Variants in PLS3 observed in about 807,000 individuals in gnomAD.
PLS3 encodes the protein plastin 3.
A neutral mutation model predicts 46.5 loss-of-function variants in PLS3; 11 were observed. The observed-to-expected ratio is 0.24, with a 90% confidence interval of 0.15 to 0.39. The LOEUF (loss-of-function observed/expected upper bound fraction) is 0.39, where lower values mean the gene tolerates loss of function less well. Ranked by LOEUF, PLS3 falls within the 10% of genes least tolerant of loss-of-function variation. PLS3 has a pLI of 1.00. For missense variants in PLS3, 308 were observed against 461.8 expected (o/e 0.67, Z 3.05); for synonymous variants, 167 against 162.2 (o/e 1.03, Z -0.22).
chrX:115,624,501 A>G (rs1360929804), intron 3 of PLS3: 1 of 112,072 alleles, frequency 8.9e-6, no homozygotes, highest in Admixed American at 9.6e-5. Flanking sequence ...GTTAACTATG[A>G]TTGGCTGTTT....
intron 1 of PLS3, among the ~76,000 whole-genome samples, chrX:115,589,160 CAG>C (rs1314884912): frequency 1.4e-4 from 15 of 110,376 alleles, no homozygotes; most frequent in African/African-American, 4.6e-4. Flanking sequence ...TTTGTAAAGA[CAG>C]GGTTTTGCCA....
In PLS3 at chrX:115,584,806, C is replaced by T. The variant is rs367969184; in HGVS notation, c.-9+23546C>T. Reference sequence around the variant, plus strand: ...CTCCCTGTGGAAAATGAATGTATTGCTCAGTTATTTTTGCCTATGTGAGTA... The same window carrying T: ...CTCCCTGTGGAAAATGAATGTATTGTTCAGTTATTTTTGCCTATGTGAGTA... On this transcript the variant is annotated intron_variant, in intron 1 of 15. Transcript: ENST00000355899. 1.3e-4 allele frequency among the ~76,000 whole-genome samples: 14 copies of T among 111,703 alleles called. No individual in the cohort carries two copies. The East Asian group carries it at 2.8e-3, about 22-fold the overall frequency.
At chrX:115,573,929 C>G (rs1305925662) in intron 1 of PLS3, among the ~76,000 whole-genome samples, 1 of 111,034 alleles carries the variant, frequency 9.0e-6, no homozygotes, top group Non-Finnish European at 1.9e-5. Context: ...GTCTCGAACT[C>G]CTGGCCTCAA....
chrX:115,649,378 T>G, intron 15 of PLS3, 51 bp from the exon 16 acceptor site: 1 of 1,054,929 alleles, frequency 9.5e-7, no homozygotes, highest in South Asian at 2.4e-5. Context: ...TCTTACGTGG[T>G]GTCCTTAACT....
chrX:115,566,504 T>C (rs2074173849), intron 1 of PLS3, among the ~76,000 whole-genome samples: 2 of 106,750 alleles, frequency 1.9e-5, no homozygotes, highest in South Asian at 4.2e-4. Context: ...TTCTCCTGCC[T>C]CAGCCTCCCG....
chrX:115,635,650 C>CAAAAAAAAAAAAAAAAAAA (rs10606256), intron 7 of PLS3, among the ~76,000 whole-genome samples: 1 of 21,906 alleles, frequency 4.6e-5, no homozygotes, highest in African/African-American at 1.0e-4. Flanking sequence ...GACTCTGTCT[C>CAAAAAAAAAAAAAAAAAAA]AAAAAAAAAA....
At chrX:115,561,340 A>G (rs2074132754) in intron 1 of PLS3, 80 bp downstream of exon 1, 1 of 109,684 alleles carries the variant, frequency 9.1e-6, no homozygotes, top group Non-Finnish European at 1.9e-5. Context: ...CGGGGAGAGC[A>G]TCTCGGTTAA....
At chrX:115,604,758 C>T (rs116331470) in intron 1 of PLS3, among the ~76,000 whole-genome samples, 4,308 of 111,195 alleles carry the variant, frequency 0.039, 196 homozygotes, top group African/African-American at 0.13. Flanking sequence ...ACAATGAATG[C>T]CCCATGAAGA....
At chrX:115,593,890 G>A (rs1334940745) in intron 1 of PLS3, among the ~76,000 whole-genome samples, 1 of 110,910 alleles carries the variant, frequency 9.0e-6, no homozygotes, top group Non-Finnish European at 1.9e-5. Flanking sequence ...AGAATGTTTA[G>A]GGAGTTTATA....
chrX:115,579,729 T>C (rs1226036594), intron 1 of PLS3, among the ~76,000 whole-genome samples: 1 of 111,948 alleles, frequency 8.9e-6, no homozygotes, highest in Non-Finnish European at 1.9e-5. Context: ...TTCATGTCTT[T>C]TACCTATTTT....
At chrX:115,637,657 C>G (rs5987957) in intron 8 of PLS3, among the ~76,000 whole-genome samples, 25,778 of 110,870 alleles carry the variant, frequency 0.23, 2,917 homozygotes, top group South Asian at 0.45. Flanking sequence ...GCCAACATTA[C>G]CATAGCAAAC....
intron 8 of PLS3, among the ~76,000 whole-genome samples, chrX:115,638,272 G>T (rs1353829119): frequency 7.2e-5 from 8 of 111,399 alleles, no homozygotes; most frequent in African/African-American, 2.6e-4. Flanking sequence ...CACCACGCCT[G>T]GTTAATTTTT....
In PLS3 at chrX:115,635,000, C is replaced by A. The variant is rs1556639967; in HGVS notation, c.702C>A (p.Ile234=). 1.7e-6 allele frequency: 2 copies of A among 1,208,011 alleles called. No individual in the cohort carries two copies. Among genetic ancestry groups the A allele is most frequent in the Admixed American group, 2.2e-5 (1 of 45,535 alleles). The change falls in exon 7 of 16, where the codon ATC becomes ATA. Residue 234 remains isoleucine, a synonymous_variant. Transcript: ENST00000355899. ...PHLVLGLLWQ[I]IKIGLFADIE... is the part of the protein sequence containing the mutation. Reference sequence around the variant, plus strand: ...TGGTTTTGGGACTGCTTTGGCAGATCATTAAGATCGGTTTGTTCGCTGACA... The same window carrying A: ...TGGTTTTGGGACTGCTTTGGCAGATAATTAAGATCGGTTTGTTCGCTGACA...
chrX:115,594,555 A>G (rs1230881161), intron 1 of PLS3, among the ~76,000 whole-genome samples: 1 of 110,415 alleles, frequency 9.1e-6, no homozygotes, highest in Non-Finnish European at 1.9e-5. Flanking sequence ...GTTGTAGGTC[A>G]CAATATTTTA....
At chrX:115,575,247 C>T (rs891937924) in intron 1 of PLS3, among the ~76,000 whole-genome samples, 13 of 111,367 alleles carry the variant, frequency 1.2e-4, no homozygotes, top group Non-Finnish European at 2.3e-4. Flanking sequence ...ATTTGTCCAT[C>T]GATGGATATT....
chrX:115,583,495 C>T (rs2074290631), intron 1 of PLS3, among the ~76,000 whole-genome samples: 1 of 112,561 alleles, frequency 8.9e-6, no homozygotes, highest in African/African-American at 3.2e-5. Flanking sequence ...TATTTTTCTC[C>T]GTGAATGTGA....
chrX:115,589,653 T>C (rs1381042286), intron 1 of PLS3, among the ~76,000 whole-genome samples: 1 of 112,274 alleles, frequency 8.9e-6, no homozygotes, highest in Non-Finnish European at 1.9e-5. Context: ...GTGTCACACA[T>C]GGAAAGTATA....
chrX:115,593,496 G>A (rs1373828661), intron 1 of PLS3: 12 of 111,381 alleles, frequency 1.1e-4, no homozygotes, highest in African/African-American at 3.9e-4. Flanking sequence ...TTTTCTAGCA[G>A]GAAGTGTTGT....
intron 1 of PLS3, among the ~76,000 whole-genome samples, chrX:115,561,814 G>T (rs2074137833): frequency 9.0e-6 from 1 of 111,498 alleles, no homozygotes. Flanking sequence ...TGGAGAGGGG[G>T]GGCCGTGGCC....
Sources: gnomAD v4.1 joint callset for allele counts (sites outside exome capture counted in the v4.1 genomes callset) on GRCh38, gnomAD v4.1.1 for gene constraint, MANE v1.5 for transcripts, NCBI Gene and HGNC (gene_info 2026-07-23, HGNC 2026-07-21) for gene names.